The following TTN variants were observed in gnomAD, a reference collection of about 807,000 sequenced individuals.
TTN encodes the protein connectin.
TTN carries 1,525 observed loss-of-function variants against 3,223.0 expected under a neutral mutation model. That is an observed-to-expected ratio of 0.47 (90% CI 0.45 to 0.49). The LOEUF (loss-of-function observed/expected upper bound fraction) is 0.49. Among genes scored for constraint, TTN ranks in the 20% least tolerant of loss-of-function variants. The pLI, the probability that TTN is intolerant of heterozygous loss-of-function variation, is 0.00. For synonymous variants in TTN, 14,094 were observed against 15,161.0 expected (o/e 0.93, Z 5.17); for missense variants, 40,786 against 43,424.0 (o/e 0.94, Z 5.40).
chr2:178,635,100 T>C (rs964325812), intron 228 of TTN, 65 bp downstream of exon 228: 9 of 1,589,174 alleles, frequency 5.7e-6, no homozygotes, highest in Non-Finnish European at 6.8e-6. Flanking sequence ...ATCTAGGATA[T>C]AGATCCTGAA....
intron 127 of TTN, among the ~76,000 whole-genome samples, chr2:178,686,736 G>A (rs2071031479): frequency 6.6e-6 from 1 of 152,182 alleles, no homozygotes; most frequent in Non-Finnish European, 1.5e-5. Flanking sequence ...AGGAATAGAA[G>A]TGTCTGGTTA....
chr2:178,543,658 A>C lies in TTN; in HGVS notation c.96315T>G (p.Thr32105=), dbSNP rs727503540. The change falls in exon 347 of 363, where the codon ACT becomes ACG. Residue 32105 remains threonine (T), a synonymous_variant. Transcript: ENST00000589042. ...SATVLVKVYD[T]PGPCPSVKVK... is the part of the protein sequence containing the mutation. ...CTTTCACTGAAGGACAGGGACCAGG[A>C]GTATCTGAAAAACAGAATGAAAGAT... 5 of 1,580,440 alleles carry C rather than the reference A, an allele frequency of 3.2e-6. No individual in the cohort carries two copies. The highest frequency in any genetic ancestry group is 4.3e-6 in the Non-Finnish European group (5 of 1,168,618).
Position 178,569,058 on chromosome 2 carries a change from G to C in TTN, c.77074C>G (p.Pro25692Ala). Residue 25692 changes from proline (P) to alanine (A), a missense_variant, in exon 326 of 363, where the codon CCA (proline) becomes GCA (alanine). By Grantham distance (27) the Pro-to-Ala change is conservative. Transcript: ENST00000589042. The stretch of plus-strand genomic sequence containing the variant: ...TGTGGCACTTCTGCAACCTTAATTG[G>C]ATCAGCAGTCTGGGCAGGAAGGCCA... Reference protein sequence around the residue: ...GIGLPAQTADPIKVAEVPQPP... With the variant: ...GIGLPAQTADAIKVAEVPQPP... 2 of 1,613,236 alleles carry C rather than the reference G, an allele frequency of 1.2e-6. No individual in the cohort carries two copies. Among genetic ancestry groups the C allele is most frequent in the Non-Finnish European group, 1.7e-6 (2 of 1,179,528 alleles).
In TTN at chr2:178,692,029, A is replaced by G. The variant is rs1553856718; in HGVS notation, c.31749T>C (p.Ala10583=). Residue 10583 remains alanine (A), a synonymous_variant, in exon 121 of 363, where the codon GCT becomes GCC. Transcript: ENST00000589042. ...GCTCTGGCGTACCTTTTGGGGGAGC[A>G]GCAGGTTCCTTCTTAGGCACAGGAA... ...KPVPVPKKEP[A]APPKVPEVPK... The G allele has an allele frequency of 6.2e-7, 1 of 1,612,700 alleles. No homozygotes were observed. The highest frequency in any genetic ancestry group is 8.5e-7 in the Non-Finnish European group (1 of 1,179,086).
chr2:178,567,233 G>T lies in TTN; in HGVS notation c.78899C>A (p.Thr26300Asn), dbSNP rs750541239. The T allele has an allele frequency of 1.4e-5, 22 of 1,608,282 alleles. No homozygotes were observed. The highest frequency in any genetic ancestry group is 1.9e-5 in the Non-Finnish European group (22 of 1,176,744). Residue 26300 changes from threonine to asparagine, a missense_variant, in exon 326 of 363, where the codon ACT becomes AAT. Transcript: ENST00000589042. Reference sequence around the variant, plus strand: ...CCATGTTAAAGAGCATTTTTCAGAAGTGACTCCAGTAACCTGGACTGGCCC... The same window carrying T: ...CCATGTTAAAGAGCATTTTTCAGAATTGACTCCAGTAACCTGGACTGGCCC... ...PEGPVQVTGV[T>N]SEKCSLTWSP... is the part of the protein sequence containing the mutation.
Position 178,600,995 on chromosome 2 carries a change from G to A in TTN, c.55909C>T (p.Arg18637Cys), listed in dbSNP as rs374151130. 5.1e-5 allele frequency: 83 copies of A among 1,612,858 alleles called. No individual in the cohort carries two copies. The highest frequency in any genetic ancestry group is 6.9e-5 in the Non-Finnish European group (81 of 1,179,350). The change falls in exon 288 of 363, where the codon CGT (arginine) becomes TGT (cysteine). Residue 18637 changes from arginine to cysteine, a missense_variant. Arg to Cys is a radical substitution (Grantham distance 180). Coordinates refer to ENST00000589042, the MANE Select transcript of TTN (RefSeq NM_001267550.2). Reference protein sequence around the residue: ...KKEAWRQCNKRDVEELQFTVE... With the variant: ...KKEAWRQCNKCDVEELQFTVE... ...GTAAATTGCAGTTCTTCCACATCAC[G>A]CTTATTGCACTGCCTCCAGGCTTCT...
At position 178,611,504 on chromosome 2, in the gene TTN, C is replaced by G. The variant is rs2056319066; in HGVS notation, c.50725G>C (p.Asp16909His). The G allele has an allele frequency of 1.9e-6, 3 of 1,612,822 alleles. No homozygotes were observed. The change falls in exon 269 of 363, where the codon GAC (aspartate) becomes CAC (histidine). Residue 16909 changes from aspartate (D) to histidine (H), a missense_variant. By Grantham distance (81) the Asp-to-His change is moderately conservative (BLOSUM62 -1). Transcript: ENST00000589042. The part of the protein sequence containing the change: ...WMRVNSRPIK[D>H]LKFKVEEGVV... ...CCTTCTTCAACCTTGAATTTCAAGT[C>G]CTTTATTGGGCGAGAATTAACTCTC...
Position 178,720,205 on chromosome 2 carries a change from C to G in TTN, c.23437G>C (p.Glu7813Gln). 6.2e-7 allele frequency: 1 copy of G among 1,613,700 alleles called. No homozygotes were observed. ...AAGCCCTCCACTATGGCCCGTAACT[C>G]AACAGCATCCCCAATAAGGGTTGAG... is the stretch of plus-strand genomic sequence containing the variant. ...DTSTLIGDAVELRAIVEGFQP... is the reference protein window; with the variant it reads ...DTSTLIGDAVQLRAIVEGFQP... The change falls in exon 81 of 363, where the codon GAG becomes CAG. Residue 7813 changes from glutamate to glutamine, a missense_variant. Transcript: ENST00000589042.
chr2:178,593,535 C>T (rs1327107667), intron 298 of TTN, 33 bp downstream of exon 298: 9 of 1,601,934 alleles, frequency 5.6e-6, no homozygotes, highest in Non-Finnish European at 6.8e-6. Flanking sequence ...TTTTATCAAG[C>T]ATTGAATCAC....
chr2:178,635,546 ATC>A lies in TTN; in HGVS notation c.41776_41777del (p.Asp13926TrpfsTer9). On this transcript the variant is annotated frameshift_variant, in exon 227 of 363. Coordinates refer to ENST00000589042, the MANE Select transcript of TTN (RefSeq NM_001267550.2). LOFTEE classifies it high-confidence loss of function. ...EPNDKTEILRDGNHLYLKIKN... is the reference protein window; with the variant it reads ...EPNDKTEILRXGNHLYLKIKN... ...TAATTTTGAGGTACAGATGATTTCC[ATC>A]TCTCAGTATTTCAGTCTTATCATTT... The A allele has an allele frequency of 6.3e-7, 1 of 1,595,378 alleles. No homozygotes were observed. The highest frequency in any genetic ancestry group is 2.3e-5 in the East Asian group (1 of 44,232).
chr2:178,647,197 AACT>A (rs2062145439), intron 214 of TTN, 53 bp from the exon 215 acceptor site: 1 of 1,181,620 alleles, frequency 8.5e-7, no homozygotes, highest in Non-Finnish European at 1.2e-6. Flanking sequence ...AGAATACTGC[AACT>A]ACTATTCTAA....
At chr2:178,694,979 T>C in intron 115 of TTN, 73 bp from the exon 116 acceptor site, 1 of 1,097,638 alleles carries the variant, frequency 9.1e-7, no homozygotes, top group Non-Finnish European at 1.3e-6. Context: ...TATCTCTCTC[T>C]CTCTGTGTAT....
rs767409447 is a variant in TTN, at chr2:178,608,470, A to T, written c.52413T>A (p.Pro17471=). The change falls in exon 275 of 363, where the codon CCT becomes CCA. Residue 17471 remains proline (P), a synonymous_variant. Coordinates refer to ENST00000589042, the MANE Select transcript of TTN (RefSeq NM_001267550.2). ...PLVAKDPFGP[P]DAPDKPIVED... is the part of the protein sequence containing the mutation. ...CCACAATGGGCTTATCTGGTGCATC[A>T]GGTGGTCCTGATAAAAAAATAACAT... is the stretch of plus-strand genomic sequence containing the variant. 1.3e-6 allele frequency: 2 copies of T among 1,581,474 alleles called. No homozygotes were observed. The highest frequency in any genetic ancestry group is 1.7e-6 in the Non-Finnish European group (2 of 1,167,098).
rs139636676 is a variant in TTN at position 178,777,893 on chromosome 2, G to A, written c.4291C>T (p.Arg1431Trp). 118 of 1,613,836 alleles carry A rather than the reference G, an allele frequency of 7.3e-5. 1 individual carries two copies. Among genetic ancestry groups the A allele is most frequent in the South Asian group, 6.3e-4 (57 of 91,072 alleles). ...RMSPARMSPA[R>W]MSPARMSPGR... ...GGGGACATTCTTGCAGGGGACATCC[G>A]TGCAGGAGACATCCTTGCAGGTGAC... The change falls in exon 25 of 363, where the codon CGG (arginine) becomes TGG (tryptophan). Residue 1431 changes from arginine to tryptophan, a missense_variant. Transcript: ENST00000589042.
In TTN at chr2:178,544,032, C is replaced by T. The variant is rs753330318; in HGVS notation, c.96112G>A (p.Val32038Ile). The stretch of plus-strand genomic sequence containing the variant: ...ATGACAGGAGGTGGTCTTCCAGATA[C>T]AGACACCATCAAGCGCAAGGAGGCC... ...AGASLRLMVS[V>I]SGRPPPVITW... is the part of the protein sequence containing the mutation. Residue 32038 changes from valine (V) to isoleucine (I), a missense_variant, in exon 346 of 363, where the codon GTA (valine) becomes ATA (isoleucine). Val to Ile is a conservative substitution (Grantham distance 29, BLOSUM62 3). Coordinates refer to ENST00000589042, the MANE Select transcript of TTN (RefSeq NM_001267550.2). The T allele has an allele frequency of 1.9e-6, 3 of 1,613,528 alleles. No homozygotes were observed. The African/African-American group carries it at 4.0e-5, about 22-fold the overall frequency.
Position 178,547,310 on chromosome 2 carries a change from A to G in TTN, c.94220-5T>C. 6.3e-7 allele frequency: 1 copy of G among 1,597,412 alleles called. No individual in the cohort carries two copies. The highest frequency in any genetic ancestry group is 8.5e-7 in the Non-Finnish European group (1 of 1,172,162). On this transcript the variant is annotated splice_polypyrimidine_tract_variant and splice_region_variant and intron_variant, in intron 339 of 362. Coordinates refer to ENST00000589042, the MANE Select transcript of TTN (RefSeq NM_001267550.2). ...TGGTAGGAGCGCTTGGTGGGACTAA[A>G]TATAAACAAAGGTATTAAGTATGAA...
At position 178,590,795 on chromosome 2, in the gene TTN, A is replaced by G. The variant is rs1039919620; in HGVS notation, c.60930T>C (p.Arg20310=). 6.2e-7 allele frequency: 1 copy of G among 1,607,670 alleles called. No individual in the cohort carries two copies. Among genetic ancestry groups the G allele is most frequent in the Non-Finnish European group, 8.5e-7 (1 of 1,174,990 alleles). Residue 20310 remains arginine, a synonymous_variant, in exon 304 of 363, where the codon CGT becomes CGC. Transcript: ENST00000589042. The part of the protein sequence containing the change: ...GSPITGYYME[R]REVTGKWVRV... ...TCACCCATTTGCCAGTTACTTCTCGACGTTCCATATAGTAGCCAGTTATTG... is the reference window on the plus strand; with the variant it reads ...TCACCCATTTGCCAGTTACTTCTCGGCGTTCCATATAGTAGCCAGTTATTG...
At position 178,729,473 on chromosome 2, in the gene TTN, A is replaced by G. The variant is rs1192303175; in HGVS notation, c.18683T>C (p.Phe6228Ser). 6.2e-7 allele frequency: 1 copy of G among 1,613,614 alleles called. No homozygotes were observed. The highest frequency in any genetic ancestry group is 1.7e-5 in the Admixed American group (1 of 59,988). ...GTTATTCTTCAGCCAAGTGACTTCA[A>G]ACGGAGGTGTTCCCGTAACTTCACA... Reference protein sequence around the residue: ...LECEVTGTPPFEVTWLKNNRE... With the variant: ...LECEVTGTPPSEVTWLKNNRE... Residue 6228 changes from phenylalanine (F) to serine (S), a missense_variant, in exon 64 of 363, where the codon TTT becomes TCT. Physicochemically the swap from Phe to Ser is radical, Grantham distance 155. Coordinates refer to ENST00000589042, the MANE Select transcript of TTN (RefSeq NM_001267550.2).
intron 169 of TTN, 27 bp from the exon 170 acceptor site, chr2:178,663,929 T>G: frequency 3.1e-6 from 5 of 1,612,664 alleles, no homozygotes; most frequent in Non-Finnish European, 4.2e-6. Flanking sequence ...GAAATTACAT[T>G]TAGGTGTTAT....
Sources: allele counts gnomAD v4.1 joint callset (sites outside exome capture counted in the v4.1 genomes callset), GRCh38; gene constraint gnomAD v4.1.1; transcripts MANE v1.5; gene names NCBI Gene and HGNC (gene_info 2026-07-23, HGNC 2026-07-21).